The following RHOBTB2 variants were observed in gnomAD, a reference collection of about 807,000 sequenced individuals.
The protein encoded by RHOBTB2 is rho-related BTB domain-containing protein 2.
Under a neutral mutation model 66.5 loss-of-function variants are expected in RHOBTB2, and 39 were observed. That is an observed-to-expected ratio of 0.59 (90% CI 0.45 to 0.77). The LOEUF (loss-of-function observed/expected upper bound fraction) is 0.77, where lower values mean the gene tolerates loss of function less well. Among genes scored for constraint, RHOBTB2 ranks in the 30% least tolerant of loss-of-function variants. The pLI is 0.00. For synonymous variants in RHOBTB2, 390 were observed against 395.0 expected (o/e 0.99, Z 0.15); for missense variants, 755 against 999.1 (o/e 0.76, Z 3.29).
chr8:22,978,901 A>T, the RHOBTB2 span, among the ~76,000 whole-genome samples: 1 of 152,264 alleles, frequency 6.6e-6, no homozygotes, highest in South Asian at 2.1e-4. Flanking sequence ...TATCTTTGAA[A>T]GTAAGTTTAA....
chr8:22,992,301 G>T (rs542618647), intron 2 of RHOBTB2: 1 of 152,274 alleles, frequency 6.6e-6, no homozygotes, highest in Admixed American at 6.5e-5. Context: ...ATCTTTATTT[G>T]TTAACAGTTC....
upstream of RHOBTB2, among the ~76,000 whole-genome samples, chr8:22,997,627 C>G (rs191330124): frequency 6.6e-6 from 1 of 152,266 alleles, no homozygotes; most frequent in Non-Finnish European, 1.5e-5. Context: ...GCTTACAGTC[C>G]GAGCAGCCAC....
the RHOBTB2 span, among the ~76,000 whole-genome samples, chr8:22,981,222 A>G: frequency 4.6e-5 from 7 of 152,266 alleles, no homozygotes; most frequent in Non-Finnish European, 1.0e-4. Context: ...CACACCTGCC[A>G]GAACTCATTC....
intron 6 of RHOBTB2, among the ~76,000 whole-genome samples, chr8:23,010,308 T>C (rs572660652): frequency 6.6e-6 from 1 of 152,254 alleles, no homozygotes; most frequent in East Asian, 1.9e-4. Flanking sequence ...TAAATGATAG[T>C]AGAGGCCTGT....
chr8:23,015,085 C>T (rs1349686095), intron 8 of RHOBTB2, among the ~76,000 whole-genome samples: 1 of 152,132 alleles, frequency 6.6e-6, no homozygotes, highest in Non-Finnish European at 1.5e-5. Context: ...ATTTAAGGGG[C>T]ACTGAGGACT....
chr8:22,966,048 T>C, the RHOBTB2 span, among the ~76,000 whole-genome samples: 5 of 152,064 alleles, frequency 3.3e-5, no homozygotes, highest in Non-Finnish European at 5.9e-5. Context: ...ACTCAGAATA[T>C]ATAGAAAATT....
chr8:22,994,715 C>A, upstream of RHOBTB2: 2 of 1,211,948 alleles, frequency 1.7e-6, no homozygotes, highest in South Asian at 1.3e-5. Flanking sequence ...AAGCAACTCC[C>A]AAATTGTTTG....
At chr8:23,005,879 G>T (rs1810932637) in intron 3 of RHOBTB2, 81 bp from the exon 4 acceptor site, 5 of 1,366,374 alleles carry the variant, frequency 3.7e-6, no homozygotes, top group Non-Finnish European at 3.1e-6. Context: ...GACTGTACAG[G>T]GCTGGGGTGG....
chr8:23,000,857 T>C (rs1227655451), intron 1 of RHOBTB2, among the ~76,000 whole-genome samples: 1 of 152,208 alleles, frequency 6.6e-6, no homozygotes, highest in Non-Finnish European at 1.5e-5. Flanking sequence ...GGGATACTGG[T>C]TGCTAGGAGA....
chr8:22,985,710 C>A (rs1810275113), upstream of RHOBTB2, among the ~76,000 whole-genome samples: 2 of 152,216 alleles, frequency 1.3e-5, no homozygotes, highest in African/African-American at 4.8e-5. Flanking sequence ...ACATTCCCAG[C>A]CAGACCTGCC....
At position 23,018,132 on chromosome 8, in the gene RHOBTB2, G is replaced by C. The variant is rs896094189; in HGVS notation, c.*663G>C. 9.2e-5 allele frequency: 14 copies of C among 152,554 alleles called. No individual in the cohort carries two copies. Among genetic ancestry groups the C allele is most frequent in the African/African-American group, 2.9e-4 (12 of 41,454 alleles). The allele number at this position is 152,554 out of a possible 1,614,324, so 9.5% of individuals were successfully genotyped here. ...TGAGAATGGGGACACAGGTCATTCA[G>C]AGCTCCAGGCCTGGAAGCAGTGCCT... On this transcript the variant is annotated 3_prime_UTR_variant, in exon 10 of 10. Transcript: ENST00000251822.
At chr8:23,016,068 T>C (rs1811283706) in intron 9 of RHOBTB2, among the ~76,000 whole-genome samples, 1 of 152,226 alleles carries the variant, frequency 6.6e-6, no homozygotes, top group African/African-American at 2.4e-5. Flanking sequence ...TAGGAAAATA[T>C]ATACATCTTT....
chr8:23,016,464 T>TA (rs11389226), intron 9 of RHOBTB2, among the ~76,000 whole-genome samples: 15,680 of 152,094 alleles, frequency 0.1, 1,085 homozygotes, highest in South Asian at 0.2. Flanking sequence ...CAGGCTGGAG[T>TA]ACAGTGGCAC....
rs928289713 is a variant in RHOBTB2, at chr8:23,017,180, T to A, written c.1967-72T>A. 9 of 1,581,718 alleles carry A rather than the reference T, an allele frequency of 5.7e-6. No individual in the cohort carries two copies. The Admixed American group carries it at 1.2e-4, about 21-fold the overall frequency. ...GCCTGCTGCAGGCCTTGTGGTGGGG[T>A]AGGGCTGGTGTCCCACGTTCCTCTT... On this transcript the variant is annotated intron_variant, in intron 9 of 9. Coordinates refer to ENST00000251822, the MANE Select transcript of RHOBTB2 (RefSeq NM_015178.3). This position sits in a 1 kb window ranked among gnomAD's most constrained non-coding sequence, Gnocchi z 5.3.
At chr8:23,005,786 C>T (rs117230144) in intron 3 of RHOBTB2, among the ~76,000 whole-genome samples, 174 bp from the exon 4 acceptor site, 1,899 of 152,252 alleles carry the variant, frequency 0.012, 67 homozygotes, top group Admixed American at 0.079. Context: ...GTCTTGAGCT[C>T]TAAAGTGGCA....
intron 1 of RHOBTB2, among the ~76,000 whole-genome samples, chr8:23,002,883 T>G (rs1318955953): frequency 2.0e-5 from 3 of 152,212 alleles, no homozygotes; most frequent in Non-Finnish European, 4.4e-5. Context: ...TTGCTTAGGT[T>G]GCTGAGATGC....
At position 23,005,491 on chromosome 8, in the gene RHOBTB2, A is replaced by G. The variant is rs2430811; in HGVS notation, c.296+16A>G. Reference sequence around the variant, plus strand: ...CTTATGGGAGGTAGGGAAGGCCTCTAGCCGCCTGCAGAGAACCAACAGGGT... The same window carrying G: ...CTTATGGGAGGTAGGGAAGGCCTCTGGCCGCCTGCAGAGAACCAACAGGGT... On this transcript the variant is annotated intron_variant, in intron 3 of 9. Transcript: ENST00000251822. 1,320,911 of 1,567,078 alleles carry G rather than the reference A, an allele frequency of 0.84. 557,466 individuals carry two copies. The highest frequency in any genetic ancestry group is 0.96 in the East Asian group (42,840 of 44,656).
chr8:22,994,216 G>C (rs998347434), intron 2 of RHOBTB2, among the ~76,000 whole-genome samples: 1 of 152,234 alleles, frequency 6.6e-6, no homozygotes, highest in African/African-American at 2.4e-5. Flanking sequence ...CCAGTGTCAA[G>C]CAGCTTTGTG....
intron 9 of RHOBTB2, among the ~76,000 whole-genome samples, chr8:23,016,498 A>G (rs774048007): frequency 1.3e-4 from 19 of 151,736 alleles, no homozygotes; most frequent in Non-Finnish European, 7.4e-5. Context: ...TGCAACCTCC[A>G]CCTCCTGGGT....
Sources: gnomAD v4.1 joint callset for allele counts (sites outside exome capture counted in the v4.1 genomes callset) on GRCh38, gnomAD v4.1.1 for gene constraint, Gnocchi (gnomAD v3.1) non-coding constraint, MANE v1.5 for transcripts, NCBI Gene and HGNC (gene_info 2026-07-23, HGNC 2026-07-21) for gene names.